The following DCC variants were observed in gnomAD, a reference collection of about 807,000 sequenced individuals.
DCC encodes the protein DCC netrin 1 receptor.
DCC carries 58 observed loss-of-function variants against 172.5 expected under a neutral mutation model. That is an observed-to-expected ratio of 0.34 (90% CI 0.27 to 0.42). The LOEUF (loss-of-function observed/expected upper bound fraction) is 0.42, where lower values mean the gene tolerates loss of function less well. Among genes scored for constraint, DCC ranks in the 10% least tolerant of loss-of-function variants. DCC has a pLI of 1.00. For synonymous variants in DCC, 709 were observed against 644.5 expected (o/e 1.10, Z -1.52); for missense variants, 1,740 against 1,791.0 (o/e 0.97, Z 0.51).
chr18:53,045,551 T>C (rs1599063167), intron 5 of DCC, among the ~76,000 whole-genome samples: 1 of 151,808 alleles, frequency 6.6e-6, no homozygotes, highest in Admixed American at 6.6e-5. Context: ...CACACACACA[T>C]ACATATGCTG....
intron 1 of DCC, among the ~76,000 whole-genome samples, chr18:52,477,887 G>A (rs1326470125): frequency 6.6e-6 from 1 of 152,072 alleles, no homozygotes; most frequent in East Asian, 1.9e-4. Context: ...ATGTGTCACT[G>A]CAGCCCCAAA....
chr18:52,486,430 C>G (rs1230596588), intron 1 of DCC, among the ~76,000 whole-genome samples: 1 of 152,136 alleles, frequency 6.6e-6, no homozygotes, highest in African/African-American at 2.4e-5. Context: ...TAGCCTCCAA[C>G]TGATTTCACA....
At chr18:53,487,072 G>A in intron 26 of DCC, 114 bp downstream of exon 26, 1 of 1,356,128 alleles carries the variant, frequency 7.4e-7, no homozygotes, top group Non-Finnish European at 1.0e-6. Flanking sequence ...CCCTATGACT[G>A]TGGTACTAGA....
intron 5 of DCC, among the ~76,000 whole-genome samples, chr18:53,011,096 C>T (rs1261462834): frequency 2.0e-5 from 3 of 151,258 alleles, no homozygotes; most frequent in Non-Finnish European, 4.4e-5. Flanking sequence ...TTAAAAACAT[C>T]CCTAAACTCA....
At chr18:52,992,032 C>A (rs2041402146) in intron 5 of DCC, among the ~76,000 whole-genome samples, 1 of 152,186 alleles carries the variant, frequency 6.6e-6, no homozygotes, top group African/African-American at 2.4e-5. Flanking sequence ...ATTTTGAATG[C>A]AAGTTTAATA....
intron 5 of DCC, among the ~76,000 whole-genome samples, chr18:52,981,483 T>G (rs2041207367): frequency 6.6e-6 from 1 of 152,054 alleles, no homozygotes; most frequent in African/African-American, 2.4e-5. Context: ...ACTCTTTACC[T>G]AAGGGATTGG....
rs150481754 is a variant in DCC at position 53,342,467 on chromosome 18, T to C, written c.2359+2560T>C. Among the ~76,000 whole-genome samples, 851 of 151,948 alleles carry C rather than the reference T, an allele frequency of 5.6e-3. 6 individuals carry two copies. Among genetic ancestry groups the C allele is most frequent in the Admixed American group, 0.025 (375 of 15,250 alleles). On this transcript the variant is annotated intron_variant, in intron 15 of 28. Transcript: ENST00000442544. ...CTACCTACCAATTGATCTATTTATCTATCAATTTATCTATCTTTATATCTT... is the reference window on the plus strand; with the variant it reads ...CTACCTACCAATTGATCTATTTATCCATCAATTTATCTATCTTTATATCTT...
At chr18:53,404,778 TTAATC>T (rs1433986495) in intron 19 of DCC, among the ~76,000 whole-genome samples, 1 of 151,712 alleles carries the variant, frequency 6.6e-6, no homozygotes, top group African/African-American at 2.4e-5. Context: ...GAAATGCAAA[TTAATC>T]TAAGCAATAA....
intron 1 of DCC, among the ~76,000 whole-genome samples, chr18:52,615,574 A>G (rs1230200926): frequency 2.0e-5 from 3 of 152,200 alleles, no homozygotes; most frequent in Non-Finnish European, 4.4e-5. Flanking sequence ...AGCCAGGGTC[A>G]CATTCCATTC....
chr18:53,346,141 G>C (rs903165254), intron 15 of DCC, among the ~76,000 whole-genome samples: 1 of 152,038 alleles, frequency 6.6e-6, no homozygotes, highest in Non-Finnish European at 1.5e-5. Flanking sequence ...AAACAGGCAT[G>C]TGTCAACATG....
At chr18:53,008,761 A>T (rs2041683898) in intron 5 of DCC, among the ~76,000 whole-genome samples, 1 of 151,980 alleles carries the variant, frequency 6.6e-6, no homozygotes, top group African/African-American at 2.4e-5. Context: ...AAAATTCTCA[A>T]TACATGCTTT....
At chr18:52,860,307 C>T (rs1222327066) in intron 2 of DCC, among the ~76,000 whole-genome samples, 1 of 152,218 alleles carries the variant, frequency 6.6e-6, no homozygotes, top group Non-Finnish European at 1.5e-5. Flanking sequence ...CCGGTGATTT[C>T]TCCCAACATT....
chr18:53,304,140 G>A (rs1355433323), intron 12 of DCC, among the ~76,000 whole-genome samples: 2 of 152,102 alleles, frequency 1.3e-5, no homozygotes, highest in Non-Finnish European at 2.9e-5. Flanking sequence ...GGAGCCTGGG[G>A]TTTGGGGTTA....
intron 15 of DCC, among the ~76,000 whole-genome samples, chr18:53,343,787 GA>G (rs2057689055): frequency 6.6e-6 from 1 of 151,858 alleles, no homozygotes; most frequent in Non-Finnish European, 1.5e-5. Context: ...CTGGACCTGA[GA>G]TTTTTTTTAT....
intron 12 of DCC, among the ~76,000 whole-genome samples, chr18:53,260,637 C>T (rs2056584498): frequency 6.6e-6 from 1 of 152,134 alleles, no homozygotes; most frequent in Non-Finnish European, 1.5e-5. Flanking sequence ...CCCAGTTAGG[C>T]TACTCGGGGG....
chr18:53,397,344 G>A lies in DCC; in HGVS notation c.2725G>A (p.Gly909Ser), dbSNP rs150299572. Residue 909 changes from glycine (G) to serine (S), a missense_variant, in exon 18 of 29, where the codon GGC becomes AGC. Physicochemically the swap from Gly to Ser is moderately conservative, Grantham distance 56. Around this residue, in one of 2 missense-constraint regions of DCC, gnomAD observed 1,732 missense variants for 1,767.4 expected, o/e 0.98. Coordinates refer to ENST00000442544, the MANE Select transcript of DCC (RefSeq NM_005215.4). ...AACATCTCTAAGTTACACAGCAACA[G>A]GCCTCAAACCAAACACAATGTATGA... ...DTTSLSYTAT[G>S]LKPNTMYEFS... is the part of the protein sequence containing the mutation. 6.2e-6 allele frequency: 10 copies of A among 1,613,726 alleles called. No individual in the cohort carries two copies. Among genetic ancestry groups the A allele is most frequent in the African/African-American group, 2.7e-5 (2 of 74,946 alleles).
At chr18:52,612,595 C>T (rs527922728) in intron 1 of DCC, among the ~76,000 whole-genome samples, 94 of 152,264 alleles carry the variant, frequency 6.2e-4, no homozygotes, top group Non-Finnish European at 6.8e-4. Context: ...CCTGCCCTCT[C>T]ATCAGCCTCT....
chr18:53,459,600 A>G, intron 24 of DCC, 142 bp downstream of exon 24: 3 of 687,986 alleles, frequency 4.4e-6, no homozygotes, highest in East Asian at 5.4e-5. Flanking sequence ...GATCTAATAT[A>G]AATTTGGTTG....
intron 1 of DCC, among the ~76,000 whole-genome samples, chr18:52,704,404 CA>C: frequency 6.6e-6 from 1 of 152,170 alleles, no homozygotes; most frequent in Admixed American, 6.5e-5. Flanking sequence ...TTGAGGCTTT[CA>C]AAAGCAATCA....
Sources: allele counts gnomAD v4.1 joint callset (sites outside exome capture counted in the v4.1 genomes callset), GRCh38; gene constraint gnomAD v4.1.1; regional missense constraint gnomAD v4.1.1; transcripts MANE v1.5; gene names NCBI Gene and HGNC (gene_info 2026-07-23, HGNC 2026-07-21).